CADM2: variants seen among roughly 807,000 people sequenced by gnomAD.
CADM2 encodes the protein immunoglobulin superfamily member 4D.
A neutral mutation model predicts 49.8 loss-of-function variants in CADM2; 12 were observed. The observed-to-expected ratio is 0.24, with a 90% CI of 0.15 to 0.39. CADM2 has a LOEUF of 0.39. Among genes scored for constraint, CADM2 ranks in the 10% least tolerant of loss-of-function variants. The pLI is 1.00. For synonymous variants in CADM2, 214 were observed against 175.4 expected (o/e 1.22, Z -1.74); for missense variants, 378 against 492.3 (o/e 0.77, Z 2.20).
intron 2 of CADM2, among the ~76,000 whole-genome samples, chr3:85,740,532 T>C (rs2068337243): frequency 6.6e-6 from 1 of 151,988 alleles, no homozygotes; most frequent in African/African-American, 2.4e-5. Flanking sequence ...ATTTGCACCG[T>C]CTGTCTTGTT....
rs146604090 is a variant in CADM2, at chr3:86,065,486, G to A, written c.971-119G>A. 1.9e-5 allele frequency: 19 copies of A among 1,013,640 alleles called. No homozygotes were observed. In the East Asian group the frequency reaches 2.7e-4, roughly 14 times the overall value. 62.8% of individuals were successfully genotyped at this position (1,013,640 alleles called of 1,614,324 possible). A position where few individuals can be genotyped will look rare whatever the true frequency, so the allele number is the denominator to read the frequency against. ...TCACAGGATGACTGGTGTAATGCAC[G>A]TTAATGTATTATTTAACAGAAATTG... On this transcript the variant is annotated intron_variant, in intron 8 of 9. Coordinates refer to ENST00000383699, the MANE Select transcript of CADM2 (RefSeq NM_001167675.2).
intron 1 of CADM2, among the ~76,000 whole-genome samples, chr3:85,438,280 G>C (rs772373529): frequency 6.6e-6 from 1 of 151,044 alleles, no homozygotes; most frequent in Non-Finnish European, 1.5e-5. Context: ...CATTTTCATA[G>C]AGTAGATAAT....
chr3:85,038,255 G>A (rs904464470), intron 1 of CADM2, among the ~76,000 whole-genome samples: 10 of 152,078 alleles, frequency 6.6e-5, no homozygotes, highest in African/African-American at 2.2e-4. Context: ...TCTTCACAGT[G>A]GTTTCTTCAC....
intron 8 of CADM2, chr3:86,013,116 A>G: frequency 2.2e-6 from 3 of 1,351,372 alleles, no homozygotes. Context: ...TCTTACAGTC[A>G]TTTGAACAAA....
chr3:85,520,493 G>A (rs564928577), intron 1 of CADM2, among the ~76,000 whole-genome samples: 7 of 151,986 alleles, frequency 4.6e-5, no homozygotes, highest in African/African-American at 1.7e-4. Context: ...CACTTACTCT[G>A]TGCCATGTAC....
intron 3 of CADM2, 66 bp downstream of exon 3, chr3:85,802,262 T>G (rs1638469818): frequency 7.3e-7 from 1 of 1,374,056 alleles, no homozygotes; most frequent in African/African-American, 1.5e-5. Context: ...ATAAATTTAT[T>G]TTTCTGAGAT....
intron 2 of CADM2, among the ~76,000 whole-genome samples, chr3:85,745,883 G>A (rs988534201): frequency 1.3e-5 from 2 of 151,414 alleles, no homozygotes; most frequent in Non-Finnish European, 2.9e-5. Flanking sequence ...TTTTGCCTAT[G>A]TTTTTTTTCT....
chr3:85,059,685 G>T (rs2036231907), intron 1 of CADM2, among the ~76,000 whole-genome samples: 1 of 152,066 alleles, frequency 6.6e-6, no homozygotes, highest in African/African-American at 2.4e-5. Flanking sequence ...AGATCTGATG[G>T]TTTTAAAAAT....
chr3:85,616,345 T>A, intron 1 of CADM2, among the ~76,000 whole-genome samples: 1 of 152,212 alleles, frequency 6.6e-6, no homozygotes, highest in Non-Finnish European at 1.5e-5. Flanking sequence ...TTTACATACA[T>A]ATAAATAGCA....
chr3:85,801,930 G>T, intron 2 of CADM2, 117 bp from the exon 3 acceptor site: 2 of 782,128 alleles, frequency 2.6e-6, no homozygotes, highest in Non-Finnish European at 3.9e-6. Flanking sequence ...CAGTTTTGTC[G>T]TTGTTTGGTT....
chr3:84,964,490 A>T (rs1291969685), intron 1 of CADM2, among the ~76,000 whole-genome samples: 1 of 152,188 alleles, frequency 6.6e-6, no homozygotes, highest in Non-Finnish European at 1.5e-5. Context: ...TATGATATTT[A>T]TTGAGAAATA....
rs577604958 is a variant in CADM2, at chr3:85,850,314, C to CT, written c.239-32949dup. On this transcript the variant is annotated intron_variant, in intron 3 of 9. Coordinates refer to ENST00000383699, the MANE Select transcript of CADM2 (RefSeq NM_001167675.2). ...CTCTCTGTTCTGGTCTGTTGCAATT[C>CT]TTTTTTTTTTTTTTTTTTTTTTTTT... Among the ~76,000 whole-genome samples, 656 of 76,070 alleles carry CT rather than the reference C, an allele frequency of 8.6e-3. 63 individuals are homozygous for CT. The highest frequency in any genetic ancestry group is 0.027 in the Middle Eastern group (3 of 110). 49.9% of individuals were successfully genotyped at this position (76,070 alleles called of 152,430 possible). A position where few individuals can be genotyped will look rare whatever the true frequency, so the allele number is the denominator to read the frequency against.
rs543084050 is a variant in CADM2 at position 85,511,799 on chromosome 3, A to G, written c.62-214723A>G. 2.3e-4 allele frequency: 191 copies of G among 820,802 alleles called. 4 individuals carry two copies. In the South Asian group the frequency reaches 8.7e-3, roughly 37 times the overall value. The allele number at this position is 820,802 out of a possible 1,614,324, so 50.8% of individuals were successfully genotyped here. ...ACCATCTCTCATTTTGTCCACTGCA[A>G]ACTTCGAAATAATATCCCTTTGAAA... On this transcript the variant is annotated intron_variant, in intron 1 of 9. Coordinates refer to ENST00000383699, the MANE Select transcript of CADM2 (RefSeq NM_001167675.2).
intron 1 of CADM2, among the ~76,000 whole-genome samples, chr3:85,449,332 G>T (rs1015902198): frequency 2.0e-5 from 3 of 151,814 alleles, no homozygotes; most frequent in African/African-American, 7.2e-5. Flanking sequence ...CAGTGAAATA[G>T]CTCCTGAAAG....
At chr3:85,134,170 A>G (rs2039338235) in intron 1 of CADM2, among the ~76,000 whole-genome samples, 1 of 152,204 alleles carries the variant, frequency 6.6e-6, no homozygotes, top group Non-Finnish European at 1.5e-5. Context: ...GGGTCCGCCA[A>G]GCCCACGCCC....
intron 6 of CADM2, among the ~76,000 whole-genome samples, chr3:85,926,055 T>G (rs916710954): frequency 5.9e-5 from 9 of 151,726 alleles, no homozygotes; most frequent in African/African-American, 1.9e-4. Context: ...GAGAATGGCA[T>G]GAACCCGGGA....
At chr3:85,959,148 CTA>C (rs1246506537) in intron 7 of CADM2, among the ~76,000 whole-genome samples, 2 of 111,188 alleles carry the variant, frequency 1.8e-5, no homozygotes, top group African/African-American at 9.4e-5. Flanking sequence ...CTTTATCTAT[CTA>C]TCTCTCTCTC....
At chr3:85,365,633 C>T (rs1253196382) in intron 1 of CADM2, among the ~76,000 whole-genome samples, 1 of 151,940 alleles carries the variant, frequency 6.6e-6, no homozygotes, top group Admixed American at 6.6e-5. Flanking sequence ...GTTAGTTGTT[C>T]ATTTACCTGT....
At chr3:85,331,398 T>G (rs566087375) in intron 1 of CADM2, among the ~76,000 whole-genome samples, 2 of 151,984 alleles carry the variant, frequency 1.3e-5, no homozygotes, top group African/African-American at 4.8e-5. Context: ...TGTTCCTGAC[T>G]TATTAGCCAT....
Sources: gnomAD v4.1 joint callset for allele counts (sites outside exome capture counted in the v4.1 genomes callset) on GRCh38, gnomAD v4.1.1 for gene constraint, MANE v1.5 for transcripts, NCBI Gene and HGNC (gene_info 2026-07-23, HGNC 2026-07-21) for gene names.